ZNF804B: variants seen among roughly 807,000 people sequenced by gnomAD.
The protein encoded by ZNF804B is zinc finger 804B.
Under a neutral mutation model 101.4 loss-of-function variants are expected in ZNF804B, and 80 were observed. That is an observed-to-expected ratio of 0.79 (90% CI 0.66 to 0.95). The LOEUF is 0.95. Among genes scored for constraint, ZNF804B ranks in the 40% least tolerant of loss-of-function variants. The probability of loss-of-function intolerance (pLI) is 0.00; values close to 1 mark genes in which losing one functional copy is unlikely to be tolerated. For synonymous variants in ZNF804B, 622 were observed against 558.8 expected, an observed-to-expected ratio of 1.11 and a Z score of -1.59; for missense variants, 1,673 against 1,561.9, an observed-to-expected ratio of 1.07 and a Z score of -1.20.
intron 1 of ZNF804B, among the ~76,000 whole-genome samples, chr7:89,066,413 G>A (rs989968778): frequency 6.6e-6 from 1 of 151,988 alleles, no homozygotes; most frequent in Admixed American, 6.6e-5. Flanking sequence ...AAGTATATAG[G>A]GAGTGGAGGG....
intron 2 of ZNF804B, among the ~76,000 whole-genome samples, chr7:89,220,045 G>GTGTATATA (rs1426877736): frequency 0.041 from 3,931 of 95,142 alleles, 718 homozygotes; most frequent in Non-Finnish European, 0.049. Flanking sequence ...ACATATATGT[G>GTGTATATA]CATATATACA....
intron 2 of ZNF804B, among the ~76,000 whole-genome samples, chr7:89,324,917 G>C (rs1790876367): frequency 6.6e-6 from 1 of 151,278 alleles, no homozygotes; most frequent in Non-Finnish European, 1.5e-5. Context: ...TTTATTTCCT[G>C]CTTTTATGAT....
chr7:88,997,718 C>T (rs1788222935), intron 1 of ZNF804B, among the ~76,000 whole-genome samples: 2 of 152,012 alleles, frequency 1.3e-5, no homozygotes, highest in Admixed American at 1.3e-4. Context: ...TGCTTTATTT[C>T]TATTGTTCAC....
chr7:89,298,950 T>C (rs1790435046), intron 2 of ZNF804B, among the ~76,000 whole-genome samples: 1 of 151,962 alleles, frequency 6.6e-6, no homozygotes, highest in Admixed American at 6.6e-5. Flanking sequence ...GTTGCGATAA[T>C]TTCAGAGTGA....
At chr7:88,778,809 C>G (rs779836710) in intron 1 of ZNF804B, among the ~76,000 whole-genome samples, 1 of 152,186 alleles carries the variant, frequency 6.6e-6, no homozygotes, top group African/African-American at 2.4e-5. Context: ...ATTGTACTAG[C>G]TGGTGGAGCC....
intron 1 of ZNF804B, among the ~76,000 whole-genome samples, chr7:88,814,923 A>G (rs1790852763): frequency 6.6e-6 from 1 of 151,668 alleles, no homozygotes; most frequent in African/African-American, 2.4e-5. Flanking sequence ...AAAAATTTTG[A>G]ATAGTACCCT....
chr7:89,241,486 T>C (rs1437331582), intron 2 of ZNF804B, among the ~76,000 whole-genome samples: 1 of 152,144 alleles, frequency 6.6e-6, no homozygotes, highest in Non-Finnish European at 1.5e-5. Flanking sequence ...AGCTCTCTGA[T>C]TTATGAAGTA....
In ZNF804B at chr7:89,334,750, G is replaced by A; in HGVS notation, c.1768G>A (p.Asp590Asn). 2 of 1,613,780 alleles carry A rather than the reference G, an allele frequency of 1.2e-6. No homozygotes were observed. Among genetic ancestry groups the A allele is most frequent in the Admixed American group, 1.7e-5 (1 of 59,928 alleles). Residue 590 changes from aspartate (D) to asparagine (N), a missense_variant, in exon 4 of 4, where the codon GAT becomes AAT. Transcript: ENST00000333190. ...TCTTTACCTCAACACATCTCTAAAG[G>A]ATTGTGCTGGAAAGAATAATAGTAG... is the stretch of plus-strand genomic sequence containing the variant. ...VPLYLNTSLK[D>N]CAGKNNSSEN...
intron 1 of ZNF804B, among the ~76,000 whole-genome samples, chr7:89,062,081 A>G (rs1583963302): frequency 6.6e-6 from 1 of 152,154 alleles, no homozygotes; most frequent in East Asian, 1.9e-4. Context: ...CATCATCATG[A>G]TATCTTCCTG....
At chr7:89,193,178 C>A (rs1336811816) in intron 1 of ZNF804B, among the ~76,000 whole-genome samples, 1 of 151,662 alleles carries the variant, frequency 6.6e-6, no homozygotes, top group Non-Finnish European at 1.5e-5. Flanking sequence ...AAATAAAGGG[C>A]TTCTAAACAG....
intron 1 of ZNF804B, among the ~76,000 whole-genome samples, chr7:88,818,852 G>C (rs1790927766): frequency 6.6e-6 from 1 of 152,090 alleles, no homozygotes; most frequent in Non-Finnish European, 1.5e-5. Context: ...ATCACTCAAT[G>C]AACTGTCAGG....
At chr7:88,803,375 A>G (rs1294103491) in intron 1 of ZNF804B, among the ~76,000 whole-genome samples, 3 of 152,164 alleles carry the variant, frequency 2.0e-5, no homozygotes, top group African/African-American at 7.2e-5. Context: ...ATATAAGGGT[A>G]TAAGATAGGG....
chr7:88,911,308 G>T (rs1488831466), intron 1 of ZNF804B, among the ~76,000 whole-genome samples: 1 of 151,568 alleles, frequency 6.6e-6, no homozygotes, highest in Admixed American at 6.6e-5. Flanking sequence ...TGTAGTGTAT[G>T]AATGTTTCTT....
chr7:88,987,686 C>G (rs999057547), intron 1 of ZNF804B, among the ~76,000 whole-genome samples: 1 of 151,924 alleles, frequency 6.6e-6, no homozygotes. Flanking sequence ...TACAAGCATA[C>G]AATGTGTAAC....
chr7:89,075,082 A>G (rs1029424829), intron 1 of ZNF804B, among the ~76,000 whole-genome samples: 1 of 152,162 alleles, frequency 6.6e-6, no homozygotes, highest in African/African-American at 2.4e-5. Flanking sequence ...CAGTTTTATA[A>G]AGGAAGCAGA....
At chr7:88,890,546 A>G (rs1387776971) in intron 1 of ZNF804B, among the ~76,000 whole-genome samples, 6 of 152,292 alleles carry the variant, frequency 3.9e-5, no homozygotes, top group African/African-American at 1.2e-4. Flanking sequence ...TGATATTGTC[A>G]GGTTGGATTT....
At chr7:88,997,886 T>C (rs1788224408) in intron 1 of ZNF804B, among the ~76,000 whole-genome samples, 1 of 152,142 alleles carries the variant, frequency 6.6e-6, no homozygotes. Context: ...ATATTTATGA[T>C]CTATCCCTTT....
rs767264601 is a variant in ZNF804B, at chr7:89,248,738, A to G, written c.249+30443A>G. Among the ~76,000 whole-genome samples, 10 of 152,160 alleles carry G rather than the reference A, an allele frequency of 6.6e-5. 1 individual carries two copies. Among genetic ancestry groups the G allele is most frequent in the South Asian group, 2.1e-4 (1 of 4,834 alleles). ...ATAAAGCAAACACACAATTGAAACT[A>G]CAAAGCAACCAACTAAAAACTCACG... On this transcript the variant is annotated intron_variant, in intron 2 of 3. Coordinates refer to ENST00000333190, the MANE Select transcript of ZNF804B (RefSeq NM_181646.5).
intron 1 of ZNF804B, among the ~76,000 whole-genome samples, chr7:88,937,115 C>CAAAA (rs3034325): frequency 2.7e-4 from 30 of 110,934 alleles, no homozygotes; most frequent in Admixed American, 1.2e-3. Flanking sequence ...ATGAGAATAG[C>CAAAA]AAAAAAAAAA....
Sources: gnomAD v4.1 joint callset for allele counts (sites outside exome capture counted in the v4.1 genomes callset) on GRCh38, gnomAD v4.1.1 for gene constraint, MANE v1.5 for transcripts, NCBI Gene and HGNC (gene_info 2026-07-23, HGNC 2026-07-21) for gene names.